Variants in HTR1F observed in about 807,000 individuals in gnomAD.
HTR1F encodes 5-hydroxytryptamine (serotonin) receptor 1F, G protein-coupled.
A neutral mutation model predicts 24.0 loss-of-function variants in HTR1F; 17 were observed. The observed-to-expected ratio is 0.71, with a 90% CI of 0.48 to 1.06. The LOEUF (loss-of-function observed/expected upper bound fraction) is 1.06, where lower values mean the gene tolerates loss of function less well. Ranked by LOEUF, HTR1F falls within the 50% of genes least tolerant of loss-of-function variation. HTR1F has a pLI of 0.00. For synonymous variants in HTR1F, 186 were observed against 156.8 expected, an observed-to-expected ratio of 1.19 and a Z score of -1.39; for missense variants, 391 against 427.8, an observed-to-expected ratio of 0.91 and a Z score of 0.76.
At chr3:87,893,114 T>C (rs1706120637) in intron 2 of HTR1F, among the ~76,000 whole-genome samples, 1 of 152,120 alleles carries the variant, frequency 6.6e-6, no homozygotes, top group Admixed American at 6.6e-5. Context: ...AGGGATTTGG[T>C]CCTGATGCAC....
intron 2 of HTR1F, among the ~76,000 whole-genome samples, chr3:87,900,222 C>G (rs1445840033): frequency 6.6e-6 from 1 of 152,072 alleles, no homozygotes; most frequent in African/African-American, 2.4e-5. Flanking sequence ...GATAAAGTCT[C>G]GTGGATGGGA....
chr3:87,857,903 G>C (rs377481601), intron 2 of HTR1F, among the ~76,000 whole-genome samples: 36 of 151,980 alleles, frequency 2.4e-4, no homozygotes, highest in African/African-American at 8.7e-4. Context: ...TCTGCCTACG[G>C]CAAGATATGA....
chr3:87,811,002 TTG>T (rs1023781213), intron 1 of HTR1F, among the ~76,000 whole-genome samples: 2 of 152,194 alleles, frequency 1.3e-5, no homozygotes, highest in Admixed American at 1.3e-4. Flanking sequence ...TAACTTGACT[TTG>T]TTTTTATATG....
At chr3:87,930,670 C>T (rs886302139) in intron 2 of HTR1F, among the ~76,000 whole-genome samples, 14 of 152,084 alleles carry the variant, frequency 9.2e-5, no homozygotes, top group African/African-American at 3.4e-4. Context: ...TTTTTATGTG[C>T]TTCTGGATTC....
At chr3:87,860,490 CA>C (rs1197993817) in intron 2 of HTR1F, among the ~76,000 whole-genome samples, 1 of 152,136 alleles carries the variant, frequency 6.6e-6, no homozygotes. Context: ...CTTCCTTTGT[CA>C]TTCACATTTT....
rs141067578 is a variant in HTR1F at position 87,884,131 on chromosome 3, C to T, written c.-43+62007C>T. Among the ~76,000 whole-genome samples the T allele has an allele frequency of 5.5e-3, 834 of 152,270 alleles. 9 individuals are homozygous for T. Among genetic ancestry groups the T allele is most frequent in the African/African-American group, 0.019 (803 of 41,560 alleles). On this transcript the variant is annotated intron_variant, in intron 2 of 2. Transcript: ENST00000319595. ...TACTCACAAAGGGAAGCCCATCAGA[C>T]TAACAGTGGATCTCTTGGCAGAAAC...
At chr3:87,913,634 C>A (rs979432292) in intron 2 of HTR1F, among the ~76,000 whole-genome samples, 2 of 152,198 alleles carry the variant, frequency 1.3e-5, no homozygotes, top group East Asian at 3.9e-4. Context: ...TGTATCCATA[C>A]GTTGATTGCA....
chr3:87,798,132 A>G (rs979838145), intron 1 of HTR1F, among the ~76,000 whole-genome samples: 23 of 151,962 alleles, frequency 1.5e-4, no homozygotes, highest in African/African-American at 4.6e-4. Flanking sequence ...CTCTCATCAA[A>G]TCTTTCTTAC....
intron 2 of HTR1F, among the ~76,000 whole-genome samples, chr3:87,879,795 T>C (rs1705749028): frequency 2.0e-5 from 3 of 152,130 alleles, no homozygotes; most frequent in African/African-American, 7.2e-5. Flanking sequence ...TTTGTTTAGC[T>C]TCTATACTTA....
Position 87,931,320 on chromosome 3 carries a change from T to C in HTR1F, c.-42-59388T>C, listed in dbSNP as rs1279645185. ...GGTGTTTGGTTTTTTGTCCTTGTGA[T>C]AGTTTACTTAGAATGATGATTTCCA... On this transcript the variant is annotated intron_variant, in intron 2 of 2. Coordinates refer to ENST00000319595, the MANE Select transcript of HTR1F (RefSeq NM_001322209.2). 2.6e-5 allele frequency among the ~76,000 whole-genome samples: 4 copies of C among 152,246 alleles called. No homozygotes were observed. The East Asian group carries it at 7.7e-4, about 29-fold the overall frequency.
rs1299761395 is a variant in HTR1F, at chr3:87,991,907, T to A, written c.*57T>A. The A allele has an allele frequency of 1.4e-6, 2 of 1,404,736 alleles. No individual in the cohort carries two copies. The highest frequency in any genetic ancestry group is 1.9e-6 in the Non-Finnish European group (2 of 1,039,778). The allele number at this position is 1,404,736 out of a possible 1,614,324, so 87.0% of individuals were successfully genotyped here. ...GTTTTTGAGGGGAGGAATAACTAGA[T>A]GAATGCCAAATAATAAAACACTTAA... On this transcript the variant is annotated 3_prime_UTR_variant, in exon 3 of 3. Transcript: ENST00000319595.
intron 2 of HTR1F, among the ~76,000 whole-genome samples, chr3:87,905,048 C>T (rs796472304): frequency 6.6e-5 from 10 of 152,040 alleles, no homozygotes; most frequent in African/African-American, 2.4e-4. Flanking sequence ...TGGCTCACAC[C>T]TATTACCCCA....
At chr3:87,866,002 A>G (rs547856632) in intron 2 of HTR1F, among the ~76,000 whole-genome samples, 2 of 152,274 alleles carry the variant, frequency 1.3e-5, no homozygotes, top group South Asian at 4.1e-4. Flanking sequence ...CCCAATACTT[A>G]GTTGTTTTAT....
At chr3:87,827,183 A>G (rs1305365797) in intron 2 of HTR1F, among the ~76,000 whole-genome samples, 8 of 150,508 alleles carry the variant, frequency 5.3e-5, no homozygotes, top group Admixed American at 4.0e-4. Context: ...GGTTCATTAC[A>G]TAGGTATATG....
At chr3:87,850,762 A>C (rs1705067227) in intron 2 of HTR1F, among the ~76,000 whole-genome samples, 1 of 151,512 alleles carries the variant, frequency 6.6e-6, no homozygotes, top group Non-Finnish European at 1.5e-5. Context: ...TCTGATCATG[A>C]AAATGGCATA....
At chr3:87,841,637 C>T (rs1415552115) in intron 2 of HTR1F, among the ~76,000 whole-genome samples, 4 of 151,708 alleles carry the variant, frequency 2.6e-5, no homozygotes, top group African/African-American at 9.7e-5. Flanking sequence ...CGGTGGCTCA[C>T]GTCTGTAATC....
chr3:87,925,236 T>C (rs1983075), intron 2 of HTR1F, among the ~76,000 whole-genome samples: 1 of 151,894 alleles, frequency 6.6e-6, no homozygotes, highest in African/African-American at 2.4e-5. Context: ...GGTCAAGGGA[T>C]TGGGGCGACC....
chr3:87,939,423 TG>T (rs1380165703), intron 2 of HTR1F, among the ~76,000 whole-genome samples: 1 of 152,192 alleles, frequency 6.6e-6, no homozygotes, highest in Non-Finnish European at 1.5e-5. Context: ...CTTTCTCTAT[TG>T]TTTGGAATAA....
At chr3:87,872,578 A>T (rs1451515914) in intron 2 of HTR1F, among the ~76,000 whole-genome samples, 1 of 152,030 alleles carries the variant, frequency 6.6e-6, no homozygotes, top group Non-Finnish European at 1.5e-5. Flanking sequence ...ATAAAAATAA[A>T]ATACAATAAA....
Sources: allele counts gnomAD v4.1 joint callset (sites outside exome capture counted in the v4.1 genomes callset), GRCh38; gene constraint gnomAD v4.1.1; transcripts MANE v1.5; gene names NCBI Gene and HGNC (gene_info 2026-07-23, HGNC 2026-07-21).